The following PPIG variants were observed in gnomAD, a reference collection of about 807,000 sequenced individuals.
The protein encoded by PPIG is peptidyl-prolyl cis-trans isomerase G.
PPIG carries 26 observed loss-of-function variants against 87.9 expected under a neutral mutation model. The ratio of observed to expected loss-of-function variants is 0.30; its 90% CI spans 0.22 to 0.41. PPIG has a LOEUF of 0.41. PPIG is among the 10% of genes least tolerant of loss of function. The probability of loss-of-function intolerance (pLI) is 1.00; values close to 1 mark genes in which losing one functional copy is unlikely to be tolerated. For missense variants in PPIG, 722 were observed against 879.4 expected, an observed-to-expected ratio of 0.82 and a Z score of 2.26; for synonymous variants, 308 against 276.5, an observed-to-expected ratio of 1.11 and a Z score of -1.13.
intron 9 of PPIG, among the ~76,000 whole-genome samples, chr2:169,624,600 GT>G (rs1558898477): frequency 6.6e-6 from 1 of 151,918 alleles, no homozygotes; most frequent in South Asian, 2.1e-4. Flanking sequence ...TTGTTTGTTT[GT>G]TTTTGAGATG....
At chr2:169,625,067 G>A (rs1482382469) in intron 9 of PPIG, among the ~76,000 whole-genome samples, 2 of 152,140 alleles carry the variant, frequency 1.3e-5, no homozygotes, top group Non-Finnish European at 1.5e-5. Context: ...TAACATAGCT[G>A]TCACCTCAAA....
intron 12 of PPIG, among the ~76,000 whole-genome samples, chr2:169,633,880 G>T (rs1006343562): frequency 6.6e-6 from 1 of 151,524 alleles, no homozygotes; most frequent in African/African-American, 2.4e-5. Context: ...GCCCAGACTG[G>T]AGTGCAGTGG....
intron 9 of PPIG, among the ~76,000 whole-genome samples, chr2:169,627,992 G>T (rs772617923): frequency 1.3e-5 from 2 of 151,796 alleles, no homozygotes; most frequent in African/African-American, 4.8e-5. Context: ...TTTTCCCCCT[G>T]CATATCCCTC....
rs1400772078 is a variant in PPIG, at chr2:169,638,286, T to G, written c.*763T>G. ...TGTGATTCTCAGTTCTGTGTTGCTT[T>G]TGGTTTGAAGAGTTTTGGGAACGTT... On this transcript the variant is annotated 3_prime_UTR_variant, in exon 14 of 14. Coordinates refer to ENST00000260970, the MANE Select transcript of PPIG (RefSeq NM_004792.3). 1 of 151,980 alleles carries G rather than the reference T, an allele frequency of 6.6e-6. No individual in the cohort carries two copies. Among genetic ancestry groups the G allele is most frequent in the African/African-American group, 2.4e-5 (1 of 41,416 alleles). 9.4% of individuals were successfully genotyped at this position (151,980 alleles called of 1,614,324 possible).
At chr2:169,628,327 A>C (rs558919429) in intron 9 of PPIG, among the ~76,000 whole-genome samples, 1 of 152,308 alleles carries the variant, frequency 6.6e-6, no homozygotes, top group African/African-American at 2.4e-5. Flanking sequence ...AGTTCAGTGA[A>C]GCCATTACAT....
At chr2:169,629,315 A>T (rs1685977093) in intron 9 of PPIG, among the ~76,000 whole-genome samples, 1 of 152,238 alleles carries the variant, frequency 6.6e-6, no homozygotes, top group Non-Finnish European at 1.5e-5. Flanking sequence ...TGTTATTTCT[A>T]AAAGATGATT....
intron 9 of PPIG, among the ~76,000 whole-genome samples, chr2:169,629,910 A>G (rs1685991107): frequency 6.6e-6 from 1 of 152,146 alleles, no homozygotes; most frequent in Non-Finnish European, 1.5e-5. Flanking sequence ...ACTGTGAACT[A>G]ATGTATTTCT....
At chr2:169,629,988 C>A (rs1685993980) in intron 9 of PPIG, among the ~76,000 whole-genome samples, 2 of 152,174 alleles carry the variant, frequency 1.3e-5, no homozygotes, top group South Asian at 4.2e-4. Context: ...CCATCTTTGG[C>A]CCCAGTTAGC....
chr2:169,635,774 G>A (rs1686162555), intron 12 of PPIG, among the ~76,000 whole-genome samples: 1 of 152,162 alleles, frequency 6.6e-6, no homozygotes, highest in Non-Finnish European at 1.5e-5. Context: ...GAAGACGTAT[G>A]GCTAGCAGCT....
chr2:169,615,006 G>A (rs1685576495), intron 9 of PPIG, among the ~76,000 whole-genome samples: 1 of 151,804 alleles, frequency 6.6e-6, no homozygotes, highest in African/African-American at 2.4e-5. Context: ...TTTGTGGTGA[G>A]AAGAACACTT....
rs75602695 is a variant in PPIG, at chr2:169,601,105, T to C, written c.-69-2537T>C. ...AATACTTATGTACAATTTACTTTTT[T>C]GTTTCTTTTGAACTAAACAGTAGGT... On this transcript the variant is annotated intron_variant, in intron 1 of 13. Coordinates refer to ENST00000260970, the MANE Select transcript of PPIG (RefSeq NM_004792.3). Among the ~76,000 whole-genome samples, 88 of 152,358 alleles carry C rather than the reference T, an allele frequency of 5.8e-4. No homozygotes were observed. In the East Asian group the frequency reaches 0.015, roughly 27 times the overall value.
At chr2:169,599,770 T>A (rs985483298) in intron 1 of PPIG, among the ~76,000 whole-genome samples, 36 of 152,292 alleles carry the variant, frequency 2.4e-4, no homozygotes, top group African/African-American at 8.7e-4. Flanking sequence ...TTGCTTAAGG[T>A]TCTGCAGTGA....
intron 11 of PPIG, 95 bp from the exon 12 acceptor site, chr2:169,633,065 C>T (rs534092291): frequency 2.2e-5 from 21 of 935,382 alleles, no homozygotes; most frequent in South Asian, 4.2e-5. Context: ...CATGAGCCAC[C>T]GCACCCGGCC....
At chr2:169,617,812 G>T (rs2105503989) in intron 9 of PPIG, among the ~76,000 whole-genome samples, 1 of 152,286 alleles carries the variant, frequency 6.6e-6, no homozygotes, top group Non-Finnish European at 1.5e-5. Context: ...GAGACAATTT[G>T]ACTTCCTCTC....
rs1234798296 is a variant in PPIG, at chr2:169,640,657, ATACATT to A, written c.*3139_*3144del. The A allele has an allele frequency of 1.3e-5, 2 of 152,196 alleles. No individual in the cohort carries two copies. The highest frequency in any genetic ancestry group is 2.9e-5 in the Non-Finnish European group (2 of 68,036). The allele number at this position is 152,196 out of a possible 1,614,324, so 9.4% of individuals were successfully genotyped here. ...ACTGTAATTATTTCATTTTGGATTT[ATACATT>A]TACAATTGAATAAGGATTATAGGTT... On this transcript the variant is annotated 3_prime_UTR_variant, in exon 14 of 14. Transcript: ENST00000260970.
intron 12 of PPIG, 54 bp from the exon 13 acceptor site, chr2:169,636,038 C>A: frequency 7.1e-7 from 1 of 1,411,284 alleles, no homozygotes; most frequent in Non-Finnish European, 9.6e-7. Context: ...AGCACCCATG[C>A]GAGTCCCTCT....
At chr2:169,610,091 G>A (rs771058433) in intron 7 of PPIG, among the ~76,000 whole-genome samples, 1 of 152,114 alleles carries the variant, frequency 6.6e-6, no homozygotes, top group Non-Finnish European at 1.5e-5. Context: ...TGTTCTGTTC[G>A]GTAGCCTTGA....
At chr2:169,591,920 A>ATTTTTTTTTTTTTTT in intron 1 of PPIG, among the ~76,000 whole-genome samples, 1 of 87,410 alleles carries the variant, frequency 1.1e-5, no homozygotes, top group Non-Finnish European at 2.0e-5. Context: ...GCAATTCATG[A>ATTTTTTTTTTTTTTT]TTTTTTTTTT....
chr2:169,585,279 T>TTTTTTTTTTTTTG (rs71006004), intron 1 of PPIG, among the ~76,000 whole-genome samples: 3 of 149,470 alleles, frequency 2.0e-5, no homozygotes, highest in Admixed American at 1.3e-4. Context: ...TCTTTTTTTT[T>TTTTTTTTTTTTTG]GAGACGGAGT....
Sources: gnomAD v4.1 joint callset for allele counts (sites outside exome capture counted in the v4.1 genomes callset) on GRCh38, gnomAD v4.1.1 for gene constraint, MANE v1.5 for transcripts, NCBI Gene and HGNC (gene_info 2026-07-23, HGNC 2026-07-21) for gene names.